TTLL5: variants seen among roughly 807,000 people sequenced by gnomAD.
The protein encoded by TTLL5 is tubulin polyglutamylase TTLL5.
TTLL5 carries 132 observed loss-of-function variants against 168.4 expected under a neutral mutation model. The observed-to-expected ratio is 0.78, with a 90% CI of 0.68 to 0.91. TTLL5 has a LOEUF of 0.91. Ranked by LOEUF, TTLL5 falls within the 40% of genes least tolerant of loss-of-function variation. The pLI is 0.00. For missense variants in TTLL5, 1,545 were observed against 1,581.5 expected, an observed-to-expected ratio of 0.98 and a Z score of 0.39; for synonymous variants, 546 against 558.6, an observed-to-expected ratio of 0.98 and a Z score of 0.32.
chr14:75,897,478 ATTTAT>A (rs1276682233), intron 30 of TTLL5, among the ~76,000 whole-genome samples: 1 of 151,716 alleles, frequency 6.6e-6, no homozygotes, highest in Non-Finnish European at 1.5e-5. Flanking sequence ...TTATTCATTT[ATTTAT>A]TTATTTTTTG....
chr14:75,757,954 C>A, intron 18 of TTLL5: 1 of 1,279,120 alleles, frequency 7.8e-7, no homozygotes, highest in Non-Finnish European at 1.0e-6. Context: ...CCTTATATAA[C>A]CATTTTTAGT....
At chr14:75,831,752 C>G (rs1397168817) in intron 28 of TTLL5, among the ~76,000 whole-genome samples, 2 of 152,140 alleles carry the variant, frequency 1.3e-5, no homozygotes, top group Non-Finnish European at 2.9e-5. Context: ...CAGACTCTCC[C>G]TGTGTTCCCA....
At chr14:75,754,838 T>C (rs1890146404) in intron 18 of TTLL5, among the ~76,000 whole-genome samples, 2 of 152,206 alleles carry the variant, frequency 1.3e-5, no homozygotes, top group Non-Finnish European at 2.9e-5. Flanking sequence ...TACATTTATA[T>C]GGAGGAAATG....
intron 28 of TTLL5, among the ~76,000 whole-genome samples, chr14:75,856,395 C>A (rs573184994): frequency 2.6e-5 from 4 of 152,096 alleles, no homozygotes; most frequent in African/African-American, 9.6e-5. Flanking sequence ...AGACAGATTT[C>A]CAAATGGAAA....
intron 5 of TTLL5, among the ~76,000 whole-genome samples, chr14:75,686,075 A>C (rs1482197289): frequency 6.6e-6 from 1 of 152,202 alleles, no homozygotes. Context: ...TGTGGTACCT[A>C]GATTTGCCAA....
chr14:75,732,080 G>A (rs1888586829), intron 12 of TTLL5: 1 of 255,438 alleles, frequency 3.9e-6, no homozygotes, highest in Admixed American at 5.4e-5. Flanking sequence ...CGCTTTCTAT[G>A]TAGGATTTAG....
intron 6 of TTLL5, among the ~76,000 whole-genome samples, chr14:75,698,165 G>A (rs1321936644): frequency 6.6e-6 from 1 of 152,208 alleles, no homozygotes; most frequent in Admixed American, 6.5e-5. Context: ...AGCACTGAGA[G>A]CTCTAGCCTG....
Position 75,901,952 on chromosome 14 carries a change from A to C in TTLL5, c.3741-190A>C, listed in dbSNP as rs372619712. Among the ~76,000 whole-genome samples, 53 of 152,276 alleles carry C rather than the reference A, an allele frequency of 3.5e-4. No individual in the cohort carries two copies. The South Asian group carries it at 9.5e-3, about 27-fold the overall frequency. Reference sequence around the variant, plus strand: ...AACAATAAATCTCAAAATATATACTATTTCAGAAGTGTGGAGGTTTGTCAT... The same window carrying C: ...AACAATAAATCTCAAAATATATACTCTTTCAGAAGTGTGGAGGTTTGTCAT... On this transcript the variant is annotated intron_variant, in intron 30 of 31. Transcript: ENST00000298832.
At chr14:75,743,742 C>T (rs923386534) in intron 15 of TTLL5, among the ~76,000 whole-genome samples, 1 of 151,826 alleles carries the variant, frequency 6.6e-6, no homozygotes, top group African/African-American at 2.4e-5. Context: ...CCACCACGCC[C>T]AGCTAATTTT....
intron 28 of TTLL5, among the ~76,000 whole-genome samples, chr14:75,821,425 A>C (rs986344602): frequency 1.3e-5 from 2 of 152,206 alleles, no homozygotes; most frequent in African/African-American, 4.8e-5. Flanking sequence ...TCCATAAAAA[A>C]ATTTCCAGAT....
intron 28 of TTLL5, among the ~76,000 whole-genome samples, chr14:75,827,707 C>CTTGTTTTTTTTTTTTT (rs1895280329): frequency 1.9e-5 from 1 of 53,170 alleles, no homozygotes; most frequent in African/African-American, 8.0e-5. Flanking sequence ...TGGCTTGGTT[C>CTTGTTTTTTTTTTTTT]TTTTTTTTTT....
intron 29 of TTLL5, among the ~76,000 whole-genome samples, chr14:75,872,144 G>A (rs896199783): frequency 6.6e-6 from 1 of 152,168 alleles, no homozygotes; most frequent in Non-Finnish European, 1.5e-5. Flanking sequence ...GATGTTATCT[G>A]TATACATACT....
intron 24 of TTLL5, among the ~76,000 whole-genome samples, chr14:75,781,223 C>A (rs951341900): frequency 5.9e-5 from 9 of 152,212 alleles, no homozygotes; most frequent in Admixed American, 3.3e-4. Flanking sequence ...ATTCAAAATT[C>A]TAGGGTTTGT....
intron 9 of TTLL5, chr14:75,710,949 CCCTTACA>C (rs1887031917): frequency 6.6e-6 from 1 of 152,160 alleles, no homozygotes; most frequent in Non-Finnish European, 1.5e-5. Flanking sequence ...GAAATGAATT[CCCTTACA>C]CCCTATCACT....
intron 21 of TTLL5, among the ~76,000 whole-genome samples, chr14:75,772,126 A>G (rs959824157): frequency 1.3e-5 from 2 of 152,208 alleles, no homozygotes; most frequent in Non-Finnish European, 2.9e-5. Flanking sequence ...TGAATTGGAA[A>G]TTGATTTCTC....
intron 30 of TTLL5, among the ~76,000 whole-genome samples, chr14:75,896,246 T>G (rs2032657062): frequency 6.6e-6 from 1 of 151,634 alleles, no homozygotes; most frequent in Admixed American, 6.6e-5. Flanking sequence ...TGTGTGGATA[T>G]GTCGAAAATT....
At chr14:75,662,161 G>C (rs1890774540) in intron 1 of TTLL5, among the ~76,000 whole-genome samples, 1 of 152,106 alleles carries the variant, frequency 6.6e-6, no homozygotes, top group Non-Finnish European at 1.5e-5. Flanking sequence ...ATTTTTAAGA[G>C]TGGAAGGGCA....
At chr14:75,678,366 G>C (rs1041736532) in intron 3 of TTLL5, among the ~76,000 whole-genome samples, 4 of 152,146 alleles carry the variant, frequency 2.6e-5, no homozygotes, top group Non-Finnish European at 4.4e-5. Flanking sequence ...TGTGACTCCT[G>C]AGAATAAGGG....
At chr14:75,682,840 C>T (rs1173530286) in intron 4 of TTLL5, among the ~76,000 whole-genome samples, 1 of 151,094 alleles carries the variant, frequency 6.6e-6, no homozygotes, top group Non-Finnish European at 1.5e-5. Flanking sequence ...GATCATAGTT[C>T]ACTGTAGGCT....
Sources: gnomAD v4.1 joint callset for allele counts (sites outside exome capture counted in the v4.1 genomes callset) on GRCh38, gnomAD v4.1.1 for gene constraint, MANE v1.5 for transcripts, NCBI Gene and HGNC (gene_info 2026-07-23, HGNC 2026-07-21) for gene names.